GALNT17: variants seen among roughly 807,000 people sequenced by gnomAD.
GALNT17 encodes the protein UDP-GalNAc:polypeptide N-acetylgalactosaminyltransferase-like 3.
A neutral mutation model predicts 63.7 loss-of-function variants in GALNT17; 29 were observed. The observed-to-expected ratio is 0.46, with a 90% CI of 0.34 to 0.62. GALNT17 has a LOEUF of 0.62. GALNT17 is among the 20% of genes least tolerant of loss of function. The pLI, the probability that GALNT17 is intolerant of heterozygous loss-of-function variation, is 0.01. For missense variants in GALNT17, 603 were observed against 799.6 expected, an observed-to-expected ratio of 0.75 and a Z score of 2.97; for synonymous variants, 305 against 318.3, an observed-to-expected ratio of 0.96 and a Z score of 0.45.
intron 5 of GALNT17, among the ~76,000 whole-genome samples, chr7:71,491,163 C>A (rs959955702): frequency 1.3e-5 from 2 of 152,056 alleles, no homozygotes; most frequent in Admixed American, 1.3e-4. Context: ...CATTGCACTC[C>A]AGCCTGGGCA....
At chr7:71,562,043 A>G (rs2116855705) in intron 5 of GALNT17, among the ~76,000 whole-genome samples, 1 of 151,980 alleles carries the variant, frequency 6.6e-6, no homozygotes, top group Non-Finnish European at 1.5e-5. Flanking sequence ...ACAGTGTCCA[A>G]CTCCCAGGCT....
At chr7:71,288,194 C>G (rs1358673580) in intron 1 of GALNT17, among the ~76,000 whole-genome samples, 1 of 118,098 alleles carries the variant, frequency 8.5e-6, no homozygotes, top group African/African-American at 3.4e-5. Context: ...CTAGCCTGGG[C>G]GACAGAGTGG....
chr7:71,354,908 T>A (rs1367555285), intron 2 of GALNT17, among the ~76,000 whole-genome samples: 1 of 152,200 alleles, frequency 6.6e-6, no homozygotes, highest in Non-Finnish European at 1.5e-5. Flanking sequence ...CTGTCTCTAA[T>A]GATGTCAACC....
Position 71,621,588 on chromosome 7 carries a change from T to TGGATGGAC in GALNT17, c.1081-43820_1081-43819insTGGACGGA, listed in dbSNP as rs1216817026. 2.7e-5 allele frequency among the ~76,000 whole-genome samples: 4 copies of TGGATGGAC among 150,660 alleles called. 1 individual carries two copies. The highest frequency in any genetic ancestry group is 9.8e-5 in the African/African-American group (4 of 40,658). On this transcript the variant is annotated intron_variant, in intron 6 of 10. Coordinates refer to ENST00000333538, the MANE Select transcript of GALNT17 (RefSeq NM_022479.3). ...ATGGATGGATGGATGGATGGATGGA[T>TGGATGGAC]GGACAGACAATGGATAAAAATAATA...
intron 9 of GALNT17, among the ~76,000 whole-genome samples, chr7:71,690,035 C>CT (rs945092438): frequency 9.9e-5 from 10 of 100,880 alleles, no homozygotes; most frequent in East Asian, 3.2e-4. Context: ...TTTTTTTTTT[C>CT]TTTTTTTTGA....
At chr7:71,326,979 C>T (rs1337421047) in intron 1 of GALNT17, among the ~76,000 whole-genome samples, 1 of 152,126 alleles carries the variant, frequency 6.6e-6, no homozygotes, top group African/African-American at 2.4e-5. Flanking sequence ...AGATGCTTTC[C>T]TTATGGATAT....
At position 71,152,885 on chromosome 7, in the gene GALNT17, A is replaced by G. The variant is rs904947755; in HGVS notation, c.238+19845A>G. Among the ~76,000 whole-genome samples the G allele has an allele frequency of 2.6e-5, 4 of 152,232 alleles. No homozygotes were observed. The East Asian group carries it at 7.7e-4, about 29-fold the overall frequency. Reference sequence around the variant, plus strand: ...TGACCTCAGGTGATCCACCTGCCTCAGCCTCCCAAAGTGCTAGGATTACAG... The same window carrying G: ...TGACCTCAGGTGATCCACCTGCCTCGGCCTCCCAAAGTGCTAGGATTACAG... On this transcript the variant is annotated intron_variant, in intron 1 of 10. Coordinates refer to ENST00000333538, the MANE Select transcript of GALNT17 (RefSeq NM_022479.3).
chr7:71,330,530 T>A (rs979694810), intron 1 of GALNT17, among the ~76,000 whole-genome samples: 9 of 152,312 alleles, frequency 5.9e-5, no homozygotes, highest in African/African-American at 2.2e-4. Context: ...CTCAAGGAGC[T>A]GGGACTATAG....
At chr7:71,347,823 TG>T (rs1370954975) in intron 2 of GALNT17, among the ~76,000 whole-genome samples, 1 of 152,114 alleles carries the variant, frequency 6.6e-6, no homozygotes, top group African/African-American at 2.4e-5. Context: ...TGGGAGACTT[TG>T]TGAAAGTTGG....
intron 6 of GALNT17, among the ~76,000 whole-genome samples, chr7:71,592,679 A>C (rs1348311002): frequency 6.6e-6 from 1 of 152,114 alleles, no homozygotes; most frequent in Non-Finnish European, 1.5e-5. Context: ...TCATGCATAA[A>C]ACGCCTCTGA....
chr7:71,526,179 T>G (rs1389172868), intron 5 of GALNT17, among the ~76,000 whole-genome samples: 1 of 152,206 alleles, frequency 6.6e-6, no homozygotes, highest in African/African-American at 2.4e-5. Context: ...CTTTCTTCAT[T>G]TTCATTCTTG....
At chr7:71,313,242 A>G (rs1411718507) in intron 1 of GALNT17, among the ~76,000 whole-genome samples, 3 of 152,208 alleles carry the variant, frequency 2.0e-5, no homozygotes, top group African/African-American at 7.2e-5. Flanking sequence ...TGACCTTTCA[A>G]TTCTCTGAAT....
chr7:71,387,377 G>A (rs1460306573), intron 2 of GALNT17, among the ~76,000 whole-genome samples: 1 of 151,798 alleles, frequency 6.6e-6, no homozygotes, highest in African/African-American at 2.4e-5. Context: ...CCAGGCTGGA[G>A]TACATTGGCA....
intron 6 of GALNT17, among the ~76,000 whole-genome samples, chr7:71,655,928 G>A (rs371842753): frequency 2.2e-4 from 33 of 152,176 alleles, no homozygotes; most frequent in African/African-American, 7.9e-4. Flanking sequence ...AACTTTCTCT[G>A]CCTGGCATAT....
intron 6 of GALNT17, among the ~76,000 whole-genome samples, chr7:71,612,027 C>CCATTGAAGCA (rs1200923300): frequency 2.0e-5 from 3 of 152,178 alleles, no homozygotes; most frequent in Non-Finnish European, 4.4e-5. Context: ...AAGCAATCGG[C>CCATTGAAGCA]ATCATTCAGG....
At chr7:71,563,548 C>T (rs996462781) in intron 5 of GALNT17, among the ~76,000 whole-genome samples, 6 of 152,020 alleles carry the variant, frequency 3.9e-5, no homozygotes, top group Non-Finnish European at 5.9e-5. Flanking sequence ...TCGCCAGCAA[C>T]GCTGACTGGC....
chr7:71,237,339 G>A (rs1326390863), intron 1 of GALNT17, among the ~76,000 whole-genome samples: 1 of 151,900 alleles, frequency 6.6e-6, no homozygotes, highest in Non-Finnish European at 1.5e-5. Context: ...GGGGCTCAGA[G>A]GGGTGTAGTC....
At chr7:71,507,522 A>T (rs915379341) in intron 5 of GALNT17, among the ~76,000 whole-genome samples, 1 of 152,186 alleles carries the variant, frequency 6.6e-6, no homozygotes. Context: ...GCTGCCTGGC[A>T]GTCAGCACTC....
At position 71,291,092 on chromosome 7, in the gene GALNT17, G is replaced by T. The variant is rs369451481; in HGVS notation, c.239-44458G>T. On this transcript the variant is annotated intron_variant, in intron 1 of 10. Transcript: ENST00000333538. Reference sequence around the variant, plus strand: ...ACCCAGCTTAAGTGCCCAATAAATGGTTACCAACAGAAATATACCCATGAT... The same window carrying T: ...ACCCAGCTTAAGTGCCCAATAAATGTTTACCAACAGAAATATACCCATGAT... 6.6e-5 allele frequency among the ~76,000 whole-genome samples: 10 copies of T among 152,112 alleles called. No individual in the cohort carries two copies. In the East Asian group the frequency reaches 1.9e-3, roughly 29 times the overall value.
Sources: allele counts gnomAD v4.1 joint callset (sites outside exome capture counted in the v4.1 genomes callset), GRCh38; gene constraint gnomAD v4.1.1; transcripts MANE v1.5; gene names NCBI Gene and HGNC (gene_info 2026-07-23, HGNC 2026-07-21).